The following GMDS variants were observed in gnomAD, a reference collection of about 807,000 sequenced individuals.
GMDS encodes GDP-mannose 4,6 dehydratase.
A neutral mutation model predicts 49.9 loss-of-function variants in GMDS; 20 were observed. That is an observed-to-expected ratio of 0.40 (90% CI 0.28 to 0.58). The LOEUF is 0.58. GMDS is among the 20% of genes least tolerant of loss of function. The pLI is 0.42. For missense variants in GMDS, 362 were observed against 481.4 expected (o/e 0.75, Z 2.32); for synonymous variants, 177 against 178.6 (o/e 0.99, Z 0.07).
chr6:2,200,060 T>C (rs921772416), intron 1 of GMDS, among the ~76,000 whole-genome samples: 1 of 152,206 alleles, frequency 6.6e-6, no homozygotes, highest in Non-Finnish European at 1.5e-5. Context: ...CTCTAGAATA[T>C]ATTCATTCAT....
chr6:1,719,184 C>T (rs886625487), intron 9 of GMDS, among the ~76,000 whole-genome samples: 4 of 152,118 alleles, frequency 2.6e-5, no homozygotes, highest in Non-Finnish European at 4.4e-5. Flanking sequence ...GACGGAAGCC[C>T]GTCAGTGGTG....
intron 9 of GMDS, among the ~76,000 whole-genome samples, chr6:1,687,174 C>T (rs533805548): frequency 5.9e-5 from 9 of 152,278 alleles, no homozygotes; most frequent in East Asian, 5.8e-4. Flanking sequence ...TCAAGGTTCA[C>T]GAACCTTCTC....
rs1765290707 is a variant in GMDS at position 1,695,038 on chromosome 6, G to A, written c.987+31378C>T. Among the ~76,000 whole-genome samples the A allele has an allele frequency of 4.6e-5, 7 of 151,690 alleles. No individual in the cohort carries two copies. The South Asian group carries it at 1.3e-3, about 27-fold the overall frequency. On this transcript the variant is annotated intron_variant, in intron 9 of 10. Transcript: ENST00000380815. Reference sequence around the variant, plus strand: ...CTGTATCTCTTCAGTGTAAAACACAGAGAACAGAGTCATATTTCTTTCTAT... The same window carrying A: ...CTGTATCTCTTCAGTGTAAAACACAAAGAACAGAGTCATATTTCTTTCTAT...
intron 4 of GMDS, among the ~76,000 whole-genome samples, chr6:2,100,075 G>C (rs911873383): frequency 3.9e-5 from 6 of 152,028 alleles, no homozygotes; most frequent in African/African-American, 1.4e-4. Flanking sequence ...GGCCCAGAGA[G>C]ACTATGTGTC....
At chr6:2,140,795 A>G (rs2127527748) in intron 1 of GMDS, among the ~76,000 whole-genome samples, 1 of 152,330 alleles carries the variant, frequency 6.6e-6, no homozygotes, top group East Asian at 1.9e-4. Context: ...GAAGTCAACC[A>G]TTTGGGGTGA....
intron 4 of GMDS, among the ~76,000 whole-genome samples, chr6:2,092,243 T>C (rs971565668): frequency 5.9e-5 from 9 of 152,314 alleles, no homozygotes; most frequent in African/African-American, 1.9e-4. Context: ...TAAGTATCCA[T>C]GCACCATCAC....
chr6:2,148,208 G>A (rs2127534925), intron 1 of GMDS, among the ~76,000 whole-genome samples: 1 of 152,228 alleles, frequency 6.6e-6, no homozygotes, highest in Admixed American at 6.5e-5. Context: ...TGCTAGAAGG[G>A]CTGATCCAAA....
chr6:1,662,677 C>T (rs1316479949), intron 9 of GMDS, among the ~76,000 whole-genome samples: 1 of 152,138 alleles, frequency 6.6e-6, no homozygotes, highest in Admixed American at 6.5e-5. Flanking sequence ...TGTATATAAA[C>T]TGTCCTGAGA....
chr6:1,629,151 G>C (rs377718892), intron 9 of GMDS, among the ~76,000 whole-genome samples: 3 of 152,166 alleles, frequency 2.0e-5, no homozygotes, highest in African/African-American at 4.8e-5. Context: ...AGATCCCCCA[G>C]AAAATTTGCA....
At chr6:2,099,030 C>T (rs1369701439) in intron 4 of GMDS, among the ~76,000 whole-genome samples, 1 of 151,974 alleles carries the variant, frequency 6.6e-6, no homozygotes. Context: ...TTGTGCTGTG[C>T]TTGGGATACT....
Position 2,232,816 on chromosome 6 carries a change from G to A in GMDS, c.102+12505C>T, listed in dbSNP as rs563169586. ...ACATCTCAGGCCTCCAGATGCCCGC[G>A]ACCTTCTCCCCTTCAGCCTCTTCCA... On this transcript the variant is annotated intron_variant, in intron 1 of 10. Coordinates refer to ENST00000380815, the MANE Select transcript of GMDS (RefSeq NM_001500.4). Among the ~76,000 whole-genome samples, 5 of 152,124 alleles carry A rather than the reference G, an allele frequency of 3.3e-5. No homozygotes were observed. The East Asian group carries it at 5.8e-4, about 18-fold the overall frequency.
chr6:2,139,809 G>A (rs1776194894), intron 1 of GMDS, among the ~76,000 whole-genome samples: 1 of 152,128 alleles, frequency 6.6e-6, no homozygotes, highest in Non-Finnish European at 1.5e-5. Flanking sequence ...TGCAGAGTGT[G>A]TTAAAAATAT....
chr6:1,807,706 TAATTA>T (rs2113672657), intron 7 of GMDS, among the ~76,000 whole-genome samples: 1 of 152,340 alleles, frequency 6.6e-6, no homozygotes, highest in African/African-American at 2.4e-5. Flanking sequence ...ATGTGGAAAG[TAATTA>T]ATCTCCATCC....
At chr6:2,065,225 G>A (rs567065938) in intron 4 of GMDS, among the ~76,000 whole-genome samples, 146 of 151,580 alleles carry the variant, frequency 9.6e-4, no homozygotes, top group African/African-American at 1.3e-3. Context: ...GTCTGTTAGA[G>A]GGAAAACTAA....
In GMDS at chr6:1,919,765, G is replaced by A. The variant is rs1273767451; in HGVS notation, c.771+10338C>T. Among the ~76,000 whole-genome samples the A allele has an allele frequency of 3.3e-5, 5 of 152,102 alleles. No homozygotes were observed. In the East Asian group the frequency reaches 7.7e-4, roughly 23 times the overall value. Reference sequence around the variant, plus strand: ...AGCCTATATTAAACTTATTTCTCCAGCAAGTCAGTGTTAAACATCTTATTC... The same window carrying A: ...AGCCTATATTAAACTTATTTCTCCAACAAGTCAGTGTTAAACATCTTATTC... On this transcript the variant is annotated intron_variant, in intron 7 of 10. Coordinates refer to ENST00000380815, the MANE Select transcript of GMDS (RefSeq NM_001500.4).
At chr6:2,014,375 T>C (rs1032858817) in intron 4 of GMDS, among the ~76,000 whole-genome samples, 1 of 151,926 alleles carries the variant, frequency 6.6e-6, no homozygotes, top group African/African-American at 2.4e-5. Context: ...AAACAACATA[T>C]GGGTGATTAT....
At chr6:2,121,581 C>T (rs998497417) in intron 2 of GMDS, among the ~76,000 whole-genome samples, 16 of 152,188 alleles carry the variant, frequency 1.1e-4, no homozygotes, top group South Asian at 2.1e-4. Flanking sequence ...CAAGGCCCCA[C>T]GGCTTCAGGA....
intron 9 of GMDS, among the ~76,000 whole-genome samples, chr6:1,643,995 T>C (rs1325483012): frequency 6.6e-6 from 1 of 151,980 alleles, no homozygotes; most frequent in Non-Finnish European, 1.5e-5. Context: ...GGACGGCCCT[T>C]ACCCAGCCCC....
At chr6:2,083,553 T>C (rs142770960) in intron 4 of GMDS, among the ~76,000 whole-genome samples, 2 of 152,296 alleles carry the variant, frequency 1.3e-5, no homozygotes, top group East Asian at 3.9e-4. Flanking sequence ...GAATACAGAA[T>C]ACAGACACCT....
Sources: gnomAD v4.1 joint callset for allele counts (sites outside exome capture counted in the v4.1 genomes callset) on GRCh38, gnomAD v4.1.1 for gene constraint, MANE v1.5 for transcripts, NCBI Gene and HGNC (gene_info 2026-07-23, HGNC 2026-07-21) for gene names.